SDK1: variants seen among roughly 807,000 people sequenced by gnomAD.
SDK1 encodes sidekick cell adhesion molecule 1, also known as protein sidekick-1.
SDK1 carries 157 observed loss-of-function variants against 245.5 expected under a neutral mutation model. The observed-to-expected ratio is 0.64, with a 90% CI of 0.56 to 0.73. The LOEUF (loss-of-function observed/expected upper bound fraction) is 0.73, where lower values mean the gene tolerates loss of function less well. Among genes scored for constraint, SDK1 ranks in the 30% least tolerant of loss-of-function variants. SDK1 has a pLI of 0.00. For missense variants in SDK1, 3,583 were observed against 3,002.3 expected (o/e 1.19, Z -4.52); for synonymous variants, 1,647 against 1,278.5 (o/e 1.29, Z -6.15).
chr7:3,641,205 A>G (rs1357559398), intron 3 of SDK1, among the ~76,000 whole-genome samples: 1 of 152,216 alleles, frequency 6.6e-6, no homozygotes, highest in African/African-American at 2.4e-5. Context: ...ATGTTTAAAT[A>G]AAAATACACT....
intron 4 of SDK1, among the ~76,000 whole-genome samples, chr7:3,707,618 G>A (rs1220921152): frequency 6.6e-6 from 1 of 152,136 alleles, no homozygotes; most frequent in East Asian, 1.9e-4. Context: ...TTTCTCTCTT[G>A]ATTGTCTGTC....
At chr7:3,687,877 G>A (rs548864813) in intron 4 of SDK1, among the ~76,000 whole-genome samples, 1 of 152,276 alleles carries the variant, frequency 6.6e-6, no homozygotes, top group African/African-American at 2.4e-5. Context: ...CAGGAACCTG[G>A]ATAAAGGTAC....
intron 1 of SDK1, among the ~76,000 whole-genome samples, chr7:3,465,457 C>A (rs1478090386): frequency 6.6e-6 from 1 of 152,204 alleles, no homozygotes; most frequent in Non-Finnish European, 1.5e-5. Context: ...AGAAGTGTTT[C>A]CACTAGGGAT....
At chr7:3,362,080 T>C (rs1454820525) in intron 1 of SDK1, among the ~76,000 whole-genome samples, 3 of 152,198 alleles carry the variant, frequency 2.0e-5, no homozygotes, top group Non-Finnish European at 4.4e-5. Flanking sequence ...AAAAATAATT[T>C]TTCTGAGTGA....
intron 1 of SDK1, among the ~76,000 whole-genome samples, chr7:3,363,946 C>A (rs1781019400): frequency 6.6e-6 from 1 of 152,218 alleles, no homozygotes; most frequent in Non-Finnish European, 1.5e-5. Context: ...TCCAGTTTCA[C>A]ATCCTCATCA....
chr7:3,546,900 A>G (rs1294872461), intron 1 of SDK1, among the ~76,000 whole-genome samples: 1 of 152,208 alleles, frequency 6.6e-6, no homozygotes. Flanking sequence ...CATCATCTCA[A>G]CAAGGAGGTG....
intron 1 of SDK1, among the ~76,000 whole-genome samples, chr7:3,422,275 A>C (rs943826241): frequency 6.6e-6 from 1 of 152,098 alleles, no homozygotes; most frequent in Non-Finnish European, 1.5e-5. Context: ...TATTATTCTA[A>C]CTTTGAATCC....
At chr7:4,010,573 T>C (rs1785865156) in intron 14 of SDK1, among the ~76,000 whole-genome samples, 2 of 152,354 alleles carry the variant, frequency 1.3e-5, no homozygotes, top group African/African-American at 4.8e-5. Context: ...TTTTTATTTA[T>C]CATTCAGTGA....
chr7:4,139,795 G>A (rs761953774), intron 28 of SDK1, among the ~76,000 whole-genome samples: 1 of 151,948 alleles, frequency 6.6e-6, no homozygotes, highest in Non-Finnish European at 1.5e-5. Flanking sequence ...GAGCGCTATG[G>A]GACTGAGGGG....
chr7:3,307,861 A>G (rs1400796950), intron 1 of SDK1, among the ~76,000 whole-genome samples: 1 of 151,892 alleles, frequency 6.6e-6, no homozygotes, highest in African/African-American at 2.4e-5. Context: ...GAATTGTTCT[A>G]CTCTGATTCT....
At position 3,461,992 on chromosome 7, in the gene SDK1, C is replaced by T. The variant is rs114560406; in HGVS notation, c.299-157088C>T. On this transcript the variant is annotated intron_variant, in intron 1 of 44. Transcript: ENST00000404826. Reference sequence around the variant, plus strand: ...TTCTGTATTAAAAAAGAACCACGACCTCCCCTAACCCTTCCCTAATCTAAC... The same window carrying T: ...TTCTGTATTAAAAAAGAACCACGACTTCCCCTAACCCTTCCCTAATCTAAC... Among the ~76,000 whole-genome samples, 590 of 152,228 alleles carry T rather than the reference C, an allele frequency of 3.9e-3. 4 individuals carry two copies. Among genetic ancestry groups the T allele is most frequent in the African/African-American group, 0.014 (562 of 41,538 alleles).
intron 1 of SDK1, among the ~76,000 whole-genome samples, chr7:3,421,335 C>T (rs1481086413): frequency 6.6e-6 from 1 of 152,042 alleles, no homozygotes; most frequent in African/African-American, 2.4e-5. Flanking sequence ...CTCGGCCTCC[C>T]AAAGTGCTGG....
At chr7:3,752,764 C>T (rs1214643336) in intron 4 of SDK1, among the ~76,000 whole-genome samples, 1 of 152,038 alleles carries the variant, frequency 6.6e-6, no homozygotes, top group African/African-American at 2.4e-5. Flanking sequence ...AAGGCAAGAG[C>T]CTTATTATTG....
intron 5 of SDK1, among the ~76,000 whole-genome samples, chr7:3,825,127 A>C (rs1279789389): frequency 1.3e-5 from 2 of 152,164 alleles, no homozygotes; most frequent in African/African-American, 4.8e-5. Context: ...CCCACTGCTC[A>C]GGTGCACACC....
intron 4 of SDK1, among the ~76,000 whole-genome samples, chr7:3,696,794 G>T (rs567552079): frequency 6.6e-6 from 1 of 151,762 alleles, no homozygotes; most frequent in African/African-American, 2.4e-5. Context: ...TGAATTTAGG[G>T]ACTAAAATGT....
chr7:3,517,332 CTTAA>C (rs1049199394), intron 1 of SDK1, among the ~76,000 whole-genome samples: 2 of 152,134 alleles, frequency 1.3e-5, no homozygotes, highest in African/African-American at 4.8e-5. Context: ...TGCATATCCT[CTTAA>C]TTATTTTAGC....
At chr7:3,501,018 CTTT>C (rs894829876) in intron 1 of SDK1, among the ~76,000 whole-genome samples, 4 of 151,910 alleles carry the variant, frequency 2.6e-5, no homozygotes, top group African/African-American at 7.3e-5. Flanking sequence ...ATACTTTCTT[CTTT>C]ATTACTGTTT....
chr7:3,866,982 CCT>C (rs2115126986), intron 5 of SDK1, among the ~76,000 whole-genome samples: 1 of 152,284 alleles, frequency 6.6e-6, no homozygotes, highest in African/African-American at 2.4e-5. Context: ...GCTCTGCCAT[CCT>C]CTGTCCTTCT....
At chr7:3,387,903 T>A (rs1011118177) in intron 1 of SDK1, among the ~76,000 whole-genome samples, 5 of 152,212 alleles carry the variant, frequency 3.3e-5, no homozygotes, top group African/African-American at 1.2e-4. Flanking sequence ...AATCCTTATT[T>A]GACACATGAG....
Sources: gnomAD v4.1 joint callset for allele counts (sites outside exome capture counted in the v4.1 genomes callset) on GRCh38, gnomAD v4.1.1 for gene constraint, MANE v1.5 for transcripts, NCBI Gene and HGNC (gene_info 2026-07-23, HGNC 2026-07-21) for gene names.